The following B3GLCT variants were observed in gnomAD, a reference collection of about 807,000 sequenced individuals.
The protein encoded by B3GLCT is beta 3-glucosyltransferase.
A neutral mutation model predicts 63.4 loss-of-function variants in B3GLCT; 65 were observed. The observed-to-expected ratio is 1.03, with a 90% confidence interval of 0.84 to 1.26. The LOEUF (loss-of-function observed/expected upper bound fraction) is 1.26, where lower values mean the gene tolerates loss of function less well. B3GLCT is among the 50% of genes most tolerant of loss of function. B3GLCT has a pLI of 0.00. For missense variants in B3GLCT, 577 were observed against 604.8 expected (o/e 0.95, Z 0.48); for synonymous variants, 233 against 219.2 (o/e 1.06, Z -0.55).
intron 12 of B3GLCT, among the ~76,000 whole-genome samples, chr13:31,309,396 C>T (rs113081867): frequency 0.023 from 3,540 of 152,252 alleles, 142 homozygotes; most frequent in African/African-American, 0.081. Context: ...GTTCTGACAC[C>T]ATCTGCCTGG....
chr13:31,228,480 A>T (rs1325938218), intron 3 of B3GLCT, among the ~76,000 whole-genome samples: 1 of 152,190 alleles, frequency 6.6e-6, no homozygotes, highest in African/African-American at 2.4e-5. Flanking sequence ...GAAGTCTGAC[A>T]TCAAGGTGTG....
At chr13:31,223,305 G>A (rs1869916753) in intron 3 of B3GLCT, among the ~76,000 whole-genome samples, 1 of 152,240 alleles carries the variant, frequency 6.6e-6, no homozygotes, top group Non-Finnish European at 1.5e-5. Flanking sequence ...GGGGAATGCA[G>A]AGGGGAAGGA....
intron 4 of B3GLCT, among the ~76,000 whole-genome samples, chr13:31,231,827 C>G (rs1870395152): frequency 6.6e-6 from 1 of 152,124 alleles, no homozygotes; most frequent in South Asian, 2.1e-4. Flanking sequence ...GCTGGGTATG[C>G]CTGCTTCTTT....
At chr13:31,329,227 A>C (rs1042601323) in intron 14 of B3GLCT, among the ~76,000 whole-genome samples, 1 of 152,176 alleles carries the variant, frequency 6.6e-6, no homozygotes, top group South Asian at 2.1e-4. Flanking sequence ...TTTTGTATTT[A>C]TTACTATTGT....
intron 2 of B3GLCT, among the ~76,000 whole-genome samples, chr13:31,221,723 C>T (rs138841334): frequency 2.6e-4 from 39 of 152,370 alleles, no homozygotes; most frequent in African/African-American, 8.9e-4. Context: ...GGATACGTCT[C>T]TTGGCTTTTA....
chr13:31,234,274 C>T (rs567894090), intron 4 of B3GLCT, among the ~76,000 whole-genome samples: 1 of 152,204 alleles, frequency 6.6e-6, no homozygotes, highest in Middle Eastern at 3.4e-3. Context: ...CCTGCCTCGG[C>T]CTCCCAAAGT....
intron 4 of B3GLCT, among the ~76,000 whole-genome samples, chr13:31,235,889 G>T (rs925644290): frequency 2.0e-5 from 3 of 152,062 alleles, no homozygotes; most frequent in African/African-American, 7.2e-5. Context: ...GATTTTTCTG[G>T]ATTTCTCGAA....
At chr13:31,272,127 T>G (rs893154490) in intron 8 of B3GLCT, among the ~76,000 whole-genome samples, 1 of 152,148 alleles carries the variant, frequency 6.6e-6, no homozygotes, top group African/African-American at 2.4e-5. Context: ...TTAAACCAGA[T>G]AGCAAATTTA....
chr13:31,206,033 C>G (rs1301649107), intron 1 of B3GLCT, among the ~76,000 whole-genome samples: 3 of 152,208 alleles, frequency 2.0e-5, no homozygotes, highest in African/African-American at 4.8e-5. Context: ...GTAAGAAACT[C>G]AAGGCTCTTT....
chr13:31,248,512 CAG>C (rs1871292109), intron 6 of B3GLCT, among the ~76,000 whole-genome samples: 3 of 152,112 alleles, frequency 2.0e-5, no homozygotes, highest in South Asian at 2.1e-4. Flanking sequence ...AAGCATATAA[CAG>C]GGGCATGGAA....
chr13:31,293,248 G>A (rs1873767165), intron 12 of B3GLCT, among the ~76,000 whole-genome samples: 1 of 152,198 alleles, frequency 6.6e-6, no homozygotes, highest in Non-Finnish European at 1.5e-5. Context: ...GAATAAGTGT[G>A]ATGTGGTGCT....
At chr13:31,200,625 C>T (rs2137722098) in intron 1 of B3GLCT, among the ~76,000 whole-genome samples, 1 of 151,806 alleles carries the variant, frequency 6.6e-6, no homozygotes, top group African/African-American at 2.4e-5. Flanking sequence ...GGAGGCTGGA[C>T]GGGAGCCGGC....
At chr13:31,210,630 C>T (rs1453303765) in intron 1 of B3GLCT, among the ~76,000 whole-genome samples, 1 of 152,204 alleles carries the variant, frequency 6.6e-6, no homozygotes, top group African/African-American at 2.4e-5. Context: ...CTTTCATTTC[C>T]ATGAAACCAG....
Position 31,329,667 on chromosome 13 carries a change from A to C in B3GLCT, c.1496A>C (p.Ter499SerextTer13). The change falls in exon 15 of 15, where the codon TAA (stop) becomes TCA (serine). Residue 499 changes from the stop codon to serine, a stop_lost. Coordinates refer to ENST00000343307, the MANE Select transcript of B3GLCT (RefSeq NM_194318.4). ...ETQKGFREEL[*>S] ...CAGAAAGGTTTTCGAGAGGAGTTAT[A>C]AATCAGGGTGACCTGTGCGCCTAGC... 6.2e-7 allele frequency: 1 copy of C among 1,614,192 alleles called. No homozygotes were observed.
At chr13:31,258,300 ACTGT>A (rs1169703158) in intron 6 of B3GLCT, among the ~76,000 whole-genome samples, 5 of 152,148 alleles carry the variant, frequency 3.3e-5, no homozygotes, top group African/African-American at 1.2e-4. Context: ...CATCACTGTA[ACTGT>A]CTATCTGGTT....
chr13:31,302,078 T>C (rs1874248568), intron 12 of B3GLCT, among the ~76,000 whole-genome samples: 1 of 152,190 alleles, frequency 6.6e-6, no homozygotes, highest in South Asian at 2.1e-4. Context: ...CTCTCCCCTC[T>C]CCCCTTCATC....
At chr13:31,238,310 A>G (rs1459370477) in intron 4 of B3GLCT, among the ~76,000 whole-genome samples, 1 of 152,242 alleles carries the variant, frequency 6.6e-6, no homozygotes, top group South Asian at 2.1e-4. Context: ...GACATTTAAT[A>G]CTGTGTGCAG....
intron 6 of B3GLCT, among the ~76,000 whole-genome samples, chr13:31,252,432 TAA>T (rs1428696854): frequency 6.6e-6 from 1 of 152,064 alleles, no homozygotes; most frequent in African/African-American, 2.4e-5. Context: ...GCAAATTGGA[TAA>T]AGAGTTAAGA....
chr13:31,225,157 G>A (rs773647413), intron 3 of B3GLCT, among the ~76,000 whole-genome samples: 2 of 152,178 alleles, frequency 1.3e-5, no homozygotes, highest in South Asian at 2.1e-4. Flanking sequence ...GGCACTTAGT[G>A]TGCGGCCCAT....
Sources: gnomAD v4.1 joint callset for allele counts (sites outside exome capture counted in the v4.1 genomes callset) on GRCh38, gnomAD v4.1.1 for gene constraint, MANE v1.5 for transcripts, NCBI Gene and HGNC (gene_info 2026-07-23, HGNC 2026-07-21) for gene names.